Variants in WWC2 observed in about 807,000 individuals in gnomAD.
The protein encoded by WWC2 is protein WWC2.
In WWC2, 101 loss-of-function variants were observed where a neutral mutation model predicts 138.5. That is an observed-to-expected ratio of 0.73 (90% confidence interval 0.62 to 0.86). The LOEUF (loss-of-function observed/expected upper bound fraction) is 0.86, where lower values mean the gene tolerates loss of function less well. Ranked by LOEUF, WWC2 falls within the 40% of genes least tolerant of loss-of-function variation. The pLI is 0.00. For missense variants in WWC2, 1,420 were observed against 1,419.4 expected (o/e 1.00, Z -0.01); for synonymous variants, 558 against 538.4 (o/e 1.04, Z -0.50).
chr4:183,158,028 G>T (rs1048678150), intron 1 of WWC2, among the ~76,000 whole-genome samples: 8 of 151,632 alleles, frequency 5.3e-5, no homozygotes, highest in Non-Finnish European at 8.8e-5. Context: ...TCTCACCTTA[G>T]TATTTTCACA....
chr4:183,287,426 G>C (rs1044109820), intron 20 of WWC2, among the ~76,000 whole-genome samples: 3 of 152,098 alleles, frequency 2.0e-5, no homozygotes, highest in Non-Finnish European at 4.4e-5. Context: ...ACTCTCAGGG[G>C]ATAGTTTCAC....
chr4:183,192,713 T>C (rs1490226521), intron 1 of WWC2, among the ~76,000 whole-genome samples: 1 of 152,210 alleles, frequency 6.6e-6, no homozygotes, highest in Non-Finnish European at 1.5e-5. Flanking sequence ...GTAAGAACCA[T>C]GCTAGTGGTG....
intron 1 of WWC2, among the ~76,000 whole-genome samples, chr4:183,168,101 C>A (rs772358294): frequency 7.2e-5 from 11 of 151,780 alleles, no homozygotes; most frequent in Admixed American, 5.9e-4. Context: ...CGTGATCTGT[C>A]CACCTTGGTC....
chr4:183,316,040 A>AC lies in WWC2; in HGVS notation c.*312dup, dbSNP rs3830485. ...AAAAATGGAATAGAGGCAGTACCCC[A>AC]CATGTGTACTGTTGAGCCGGCTGTT... On this transcript the variant is annotated 3_prime_UTR_variant, in exon 23 of 23. Coordinates refer to ENST00000403733, the MANE Select transcript of WWC2 (RefSeq NM_024949.6). The AC allele has an allele frequency of 0.66, 168,728 of 255,264 alleles. 57,103 individuals carry two copies. The highest frequency in any genetic ancestry group is 0.79 in the Middle Eastern group (510 of 648). The allele number at this position is 255,264 out of a possible 1,614,324, so 15.8% of individuals were successfully genotyped here. A position where few individuals can be genotyped will look rare whatever the true frequency, so the allele number is the denominator to read the frequency against.
At chr4:183,270,710 G>C (rs979278801) in intron 15 of WWC2, among the ~76,000 whole-genome samples, 2 of 152,140 alleles carry the variant, frequency 1.3e-5, no homozygotes, top group Non-Finnish European at 2.9e-5. Context: ...GTTGCAGTGA[G>C]CTGAGATCAC....
intron 2 of WWC2, among the ~76,000 whole-genome samples, chr4:183,202,996 C>A (rs973349633): frequency 1.3e-5 from 2 of 152,082 alleles, no homozygotes. Flanking sequence ...GGAAATTGAA[C>A]CCTGGAAAGG....
At chr4:183,100,029 C>G (rs920681598) in intron 1 of WWC2, among the ~76,000 whole-genome samples, 7 of 152,234 alleles carry the variant, frequency 4.6e-5, no homozygotes, top group African/African-American at 1.7e-4. Context: ...ACGAGCCCTC[C>G]GGGCCACCTG....
intron 21 of WWC2, among the ~76,000 whole-genome samples, chr4:183,311,023 A>G (rs1339969072): frequency 6.6e-6 from 1 of 152,196 alleles, no homozygotes; most frequent in Non-Finnish European, 1.5e-5. Flanking sequence ...CAACTTGCCC[A>G]GATTTACATC....
chr4:183,273,721 C>T (rs1737769115), intron 16 of WWC2, among the ~76,000 whole-genome samples: 1 of 152,178 alleles, frequency 6.6e-6, no homozygotes, highest in African/African-American at 2.4e-5. Flanking sequence ...TTCTCACTTT[C>T]TTGATGGTTT....
At chr4:183,115,952 C>T (rs1336446725) in intron 1 of WWC2, among the ~76,000 whole-genome samples, 1 of 152,054 alleles carries the variant, frequency 6.6e-6, no homozygotes, top group Non-Finnish European at 1.5e-5. Context: ...AGGTTTTCTT[C>T]TAGGGTTTTT....
At chr4:183,166,899 T>C (rs1734144928) in intron 1 of WWC2, among the ~76,000 whole-genome samples, 1 of 152,184 alleles carries the variant, frequency 6.6e-6, no homozygotes, top group Non-Finnish European at 1.5e-5. Context: ...ACAATGCTCT[T>C]CTTGAACTAT....
chr4:183,283,114 T>A (rs3814418), intron 18 of WWC2, among the ~76,000 whole-genome samples: 1 of 152,102 alleles, frequency 6.6e-6, no homozygotes, highest in Non-Finnish European at 1.5e-5. Flanking sequence ...TCTCCACTTA[T>A]ATTTGGAGAA....
intron 16 of WWC2, 137 bp downstream of exon 16, chr4:183,271,378 T>G: frequency 1.5e-6 from 1 of 672,622 alleles, no homozygotes; most frequent in Non-Finnish European, 2.2e-6. Context: ...CTTTTCTCCT[T>G]TCACAACTTT....
chr4:183,214,354 T>G (rs1210795470), intron 4 of WWC2, among the ~76,000 whole-genome samples: 2 of 152,204 alleles, frequency 1.3e-5, no homozygotes, highest in Non-Finnish European at 2.9e-5. Flanking sequence ...CTATTTGTAA[T>G]CTTGGAGACA....
intron 21 of WWC2, among the ~76,000 whole-genome samples, chr4:183,301,973 A>C (rs1212466864): frequency 6.6e-6 from 1 of 152,220 alleles, no homozygotes. Context: ...CTTAATTCTA[A>C]TAGTATGTGA....
intron 15 of WWC2, chr4:183,269,429 C>G (rs968858856): frequency 1.7e-6 from 1 of 589,560 alleles, no homozygotes; most frequent in African/African-American, 1.8e-5. Context: ...AAGAACTTTA[C>G]CTTTGTGACA....
intron 20 of WWC2, among the ~76,000 whole-genome samples, chr4:183,287,940 TTC>T (rs1365698367): frequency 6.6e-6 from 1 of 152,238 alleles, no homozygotes; most frequent in African/African-American, 2.4e-5. Context: ...CAGTGCTTTC[TTC>T]TCTCCCAGAG....
rs773623911 is a variant in WWC2, at chr4:183,271,119, A to T, written c.2440A>T (p.Ser814Cys). The change falls in exon 16 of 23, where the codon AGT becomes TGT. Residue 814 changes from serine (S) to cysteine (C), a missense_variant. Transcript: ENST00000403733. ...QISLADLPFS[S>C]EVFTLWYNLL... ...CAGCCTGGCAGATTTACCATTTTCC[A>T]GTGAGGTTTTCACTCTATGGTATAA... 6.2e-7 allele frequency: 1 copy of T among 1,609,338 alleles called. No individual in the cohort carries two copies. Among genetic ancestry groups the T allele is most frequent in the South Asian group, 1.1e-5 (1 of 89,988 alleles).
At chr4:183,247,174 G>A (rs1736804560) in intron 6 of WWC2, among the ~76,000 whole-genome samples, 1 of 151,868 alleles carries the variant, frequency 6.6e-6, no homozygotes, top group South Asian at 2.1e-4. Flanking sequence ...AGATACACAG[G>A]TGTGCATGCA....
Sources: gnomAD v4.1 joint callset for allele counts (sites outside exome capture counted in the v4.1 genomes callset) on GRCh38, gnomAD v4.1.1 for gene constraint, MANE v1.5 for transcripts, NCBI Gene and HGNC (gene_info 2026-07-23, HGNC 2026-07-21) for gene names.